Variants in STRBP observed in about 807,000 individuals in gnomAD.
STRBP encodes the protein spermatid perinuclear RNA-binding protein.
STRBP carries 13 observed loss-of-function variants against 80.1 expected under a neutral mutation model. The ratio of observed to expected loss-of-function variants is 0.16; its 90% CI spans 0.11 to 0.26. The LOEUF (loss-of-function observed/expected upper bound fraction) is 0.26, where lower values mean the gene tolerates loss of function less well. STRBP is among the 10% of genes least tolerant of loss of function. The pLI, the probability that STRBP is intolerant of heterozygous loss-of-function variation, is 1.00. For missense variants in STRBP, 485 were observed against 815.2 expected, an observed-to-expected ratio of 0.59 and a Z score of 4.93; for synonymous variants, 284 against 291.2, an observed-to-expected ratio of 0.98 and a Z score of 0.25.
At chr9:123,204,558 G>T (rs953106188) in intron 2 of STRBP, among the ~76,000 whole-genome samples, 5 of 152,150 alleles carry the variant, frequency 3.3e-5, no homozygotes, top group African/African-American at 9.7e-5. Context: ...ACTATTTTTA[G>T]AATTTACCGA....
intron 1 of STRBP, among the ~76,000 whole-genome samples, chr9:123,255,238 G>GT (rs1031815853): frequency 6.6e-6 from 1 of 152,190 alleles, no homozygotes; most frequent in African/African-American, 2.4e-5. Context: ...TTAAAGAAAT[G>GT]TTTTGGCAAC....
intron 1 of STRBP, among the ~76,000 whole-genome samples, chr9:123,255,064 A>T (rs2041000429): frequency 6.6e-6 from 1 of 152,212 alleles, no homozygotes; most frequent in South Asian, 2.1e-4. Context: ...ATCATTTTGC[A>T]AATAATTTTT....
chr9:123,248,478 G>C (rs2040846270), intron 1 of STRBP, among the ~76,000 whole-genome samples: 1 of 151,580 alleles, frequency 6.6e-6, no homozygotes, highest in Admixed American at 6.6e-5. Context: ...TACCATGTTG[G>C]CCAGGCTGGT....
chr9:123,166,669 G>A (rs533021611), intron 6 of STRBP, among the ~76,000 whole-genome samples: 10 of 152,024 alleles, frequency 6.6e-5, no homozygotes, highest in Non-Finnish European at 1.3e-4. Flanking sequence ...CACGAGAATT[G>A]CTTGAACCCA....
chr9:123,201,019 C>T (rs188332136), intron 2 of STRBP, among the ~76,000 whole-genome samples: 1 of 152,096 alleles, frequency 6.6e-6, no homozygotes, highest in Admixed American at 6.5e-5. Context: ...AGTTTGTGCA[C>T]ATAAAGGTGT....
At chr9:123,140,664 A>T (rs1186949146) in intron 13 of STRBP, among the ~76,000 whole-genome samples, 1 of 152,142 alleles carries the variant, frequency 6.6e-6, no homozygotes, top group Admixed American at 6.5e-5. Context: ...TTTATTCTCT[A>T]TACTAAATAA....
intron 2 of STRBP, among the ~76,000 whole-genome samples, chr9:123,219,461 T>C (rs2040004067): frequency 6.6e-6 from 1 of 152,222 alleles, no homozygotes; most frequent in Non-Finnish European, 1.5e-5. Flanking sequence ...ATCACCATTT[T>C]AGCTATTAAT....
chr9:123,218,470 C>T (rs1477634180), intron 2 of STRBP, among the ~76,000 whole-genome samples: 1 of 149,076 alleles, frequency 6.7e-6, no homozygotes, highest in Non-Finnish European at 1.5e-5. Flanking sequence ...CCCGGGTTCA[C>T]GCCATTCTCC....
chr9:123,265,424 A>G (rs2041246621), intron 1 of STRBP, among the ~76,000 whole-genome samples: 1 of 152,232 alleles, frequency 6.6e-6, no homozygotes, highest in East Asian at 1.9e-4. Flanking sequence ...TAGGTACCAC[A>G]CTACACATTA....
intron 11 of STRBP, among the ~76,000 whole-genome samples, chr9:123,157,469 G>A (rs2037338203): frequency 6.6e-6 from 1 of 152,118 alleles, no homozygotes; most frequent in Non-Finnish European, 1.5e-5. Context: ...TACCTAATAA[G>A]AACAGAAGAG....
chr9:123,203,005 A>G (rs1266243859), intron 2 of STRBP, among the ~76,000 whole-genome samples: 4 of 152,166 alleles, frequency 2.6e-5, no homozygotes, highest in African/African-American at 9.7e-5. Context: ...CCACCTGAAA[A>G]TAAACCCTTC....
At chr9:123,251,024 G>A (rs1281917160) in intron 1 of STRBP, among the ~76,000 whole-genome samples, 1 of 152,074 alleles carries the variant, frequency 6.6e-6, no homozygotes, top group African/African-American at 2.4e-5. Flanking sequence ...CTACTTGTGA[G>A]GCTGAGGCAG....
chr9:123,124,768 C>G lies in STRBP; in HGVS notation c.*829G>C. The G allele has an allele frequency of 5.1e-6, 5 of 985,382 alleles. No individual in the cohort carries two copies. The highest frequency in any genetic ancestry group is 6.0e-6 in the Non-Finnish European group (5 of 829,912). The allele number at this position is 985,382 out of a possible 1,614,324, so 61.0% of individuals were successfully genotyped here. On this transcript the variant is annotated 3_prime_UTR_variant, in exon 19 of 19. Transcript: ENST00000348403. ...TTGGAAATTCATAAACTAGGATAAT[C>G]ACATTCTCCTTCCCCATCTCTGGGT...
downstream of STRBP, among the ~76,000 whole-genome samples, chr9:123,120,220 T>C (rs1156726825): frequency 6.6e-6 from 1 of 151,958 alleles, no homozygotes. Flanking sequence ...CCATCTCCTT[T>C]CCAAGACTCC....
chr9:123,234,200 CAAAAAA>C (rs59309974), intron 2 of STRBP, among the ~76,000 whole-genome samples: 2 of 72,278 alleles, frequency 2.8e-5, no homozygotes, highest in Non-Finnish European at 3.4e-5. Flanking sequence ...GACGCCGTGT[CAAAAAA>C]AAAAAAAAAA....
chr9:123,220,378 T>A (rs990646494), intron 2 of STRBP, among the ~76,000 whole-genome samples: 5 of 152,172 alleles, frequency 3.3e-5, no homozygotes, highest in Admixed American at 3.3e-4. Flanking sequence ...AGCAAGTTAT[T>A]CTACCAAATA....
At chr9:123,160,611 G>C (rs960247385) in intron 7 of STRBP, 149 bp from the exon 8 acceptor site, 2 of 507,278 alleles carry the variant, frequency 3.9e-6, no homozygotes, top group East Asian at 6.8e-5. Context: ...TAAAATTAAG[G>C]CTTAAAAAGG....
At chr9:123,187,887 T>C (rs983998821) in intron 2 of STRBP, among the ~76,000 whole-genome samples, 1 of 152,122 alleles carries the variant, frequency 6.6e-6, no homozygotes, top group Non-Finnish European at 1.5e-5. Flanking sequence ...GTTCATAGTT[T>C]ACATTAGGGT....
At chr9:123,231,202 T>C (rs2040389445) in intron 2 of STRBP, among the ~76,000 whole-genome samples, 1 of 152,174 alleles carries the variant, frequency 6.6e-6, no homozygotes, top group Non-Finnish European at 1.5e-5. Flanking sequence ...GCCTGAGAAC[T>C]ACAGACCTAA....
Sources: gnomAD v4.1 joint callset for allele counts (sites outside exome capture counted in the v4.1 genomes callset) on GRCh38, gnomAD v4.1.1 for gene constraint, MANE v1.5 for transcripts, NCBI Gene and HGNC (gene_info 2026-07-23, HGNC 2026-07-21) for gene names.